Variants in HRAS observed in about 807,000 individuals in gnomAD.
HRAS encodes the protein HRas proto-oncogene, GTPase.
In HRAS, 11 loss-of-function variants were observed where a neutral mutation model predicts 19.8. The observed-to-expected ratio is 0.55, with a 90% confidence interval of 0.35 to 0.92. The LOEUF is 0.92. Ranked by LOEUF, HRAS falls within the 40% of genes least tolerant of loss-of-function variation. HRAS has a pLI of 0.01. For missense variants in HRAS, 204 were observed against 255.9 expected (o/e 0.80, Z 1.38); for synonymous variants, 149 against 105.5 (o/e 1.41, Z -2.52).
intron 4 of HRAS, among the ~76,000 whole-genome samples, chr11:533,072 T>C (rs1851204274): frequency 6.6e-6 from 1 of 152,116 alleles, no homozygotes; most frequent in Non-Finnish European, 1.5e-5. Flanking sequence ...GTAGCCCCAC[T>C]AAGACTCAGA....
At position 532,622 on chromosome 11, in the gene HRAS, C is replaced by A. The variant is rs919648299; in HGVS notation, c.*5+9G>T. ...TGGGCGTGGCGGCCGCCCTGGGAGT[C>A]CCCCTCACCTGCGTCAGGAGAGCAC... On this transcript the variant is annotated intron_variant, in intron 5 of 5. Coordinates refer to ENST00000311189, the MANE Select transcript of HRAS (RefSeq NM_005343.4). The A allele has an allele frequency of 1.2e-6, 2 of 1,608,694 alleles. No individual in the cohort carries two copies. The highest frequency in any genetic ancestry group is 1.7e-6 in the Non-Finnish European group (2 of 1,179,522).
rs760429548 is a variant in HRAS at position 532,670 on chromosome 11, G to A, written c.536C>T (p.Pro179Leu). The A allele has an allele frequency of 1.1e-5, 18 of 1,613,018 alleles. No homozygotes were observed. Among genetic ancestry groups the A allele is most frequent in the Non-Finnish European group, 1.5e-5 (18 of 1,179,992 alleles). ...RKLNPPDESG[P>L]GCMSCKCVLS ...CACACACTTGCAGCTCATGCAGCCG[G>A]GGCCACTCTCATCAGGAGGGTTCAG... Residue 179 changes from proline (P) to leucine (L), a missense_variant, in exon 5 of 6, where the codon CCC becomes CTC. Physicochemically the swap from Pro to Leu is moderately conservative, Grantham distance 98. This residue lies in a region of HRAS where 142 missense variants were observed against 141.1 expected (regional missense o/e 1.01). Transcript: ENST00000311189.
chr11:534,714 T>G, intron 1 of HRAS: 1 of 300,680 alleles, frequency 3.3e-6, no homozygotes, highest in Non-Finnish European at 6.5e-6. Flanking sequence ...GAGGTTACCG[T>G]CCTCCAGAAC....
chr11:532,712 T>A lies in HRAS; in HGVS notation c.494A>T (p.Gln165Leu). The change falls in exon 5 of 6, where the codon CAG becomes CTG. Residue 165 changes from glutamine (Q) to leucine (L), a missense_variant. Gln to Leu is a moderately radical substitution (Grantham distance 113). Transcript: ENST00000311189. ...AFYTLVREIR[Q>L]HKLRKLNPPD... ...AGGGTTCAGCTTCCGCAGCTTGTGC[T>A]GCCGGATCTCACGCACCAACGTGTA... 6.2e-7 allele frequency: 1 copy of A among 1,613,228 alleles called. No individual in the cohort carries two copies. The highest frequency in any genetic ancestry group is 8.5e-7 in the Non-Finnish European group (1 of 1,180,004).
chr11:533,706 G>C (rs530529842), intron 3 of HRAS, 60 bp downstream of exon 3: 1 of 1,610,678 alleles, frequency 6.2e-7, no homozygotes, highest in Non-Finnish European at 8.5e-7. Flanking sequence ...CTGCCTGGAC[G>C]CAGCCGGCCT....
rs777386438 is a variant in HRAS at position 533,462 on chromosome 11, C to T, written c.441G>A (p.Lys147=). Residue 147 remains lysine (K), a synonymous_variant, in exon 4 of 6, where the codon AAG becomes AAA. Coordinates refer to ENST00000311189, the MANE Select transcript of HRAS (RefSeq NM_005343.4). The part of the protein sequence containing the change: ...YGIPYIETSA[K]TRQGVEDAFY... Reference sequence around the variant, plus strand: ...TGGAGAGCTGCCTCACCTGCCGGGTCTTGGCCGAGGTCTCGATGTAGGGGA... The same window carrying T: ...TGGAGAGCTGCCTCACCTGCCGGGTTTTGGCCGAGGTCTCGATGTAGGGGA... 4.3e-6 allele frequency: 7 copies of T among 1,613,200 alleles called. No individual in the cohort carries two copies. The East Asian group carries it at 1.1e-4, about 26-fold the overall frequency.
At chr11:532,846 GC>G (rs1179119995) in intron 4 of HRAS, 91 bp from the exon 5 acceptor site, 3 of 1,329,460 alleles carry the variant, frequency 2.3e-6, no homozygotes, top group East Asian at 4.8e-5. Context: ...GCCTTGCCTG[GC>G]CCGAAGCTCC....
At chr11:534,124 AC>A in intron 2 of HRAS, 87 bp downstream of exon 2, 1 of 1,229,692 alleles carries the variant, frequency 8.1e-7, no homozygotes, top group Non-Finnish European at 1.2e-6. Flanking sequence ...CATGCAGGGG[AC>A]CAGGGGCTGC....
intron 4 of HRAS, chr11:533,215 G>A (rs1157703099): frequency 6.4e-6 from 9 of 1,399,820 alleles, no homozygotes; most frequent in East Asian, 2.5e-5. Flanking sequence ...CAGGACTGCA[G>A]GGCGTGAGCC....
intron 1 of HRAS, among the ~76,000 whole-genome samples, chr11:535,098 T>G (rs112690925): frequency 0.24 from 37,151 of 151,754 alleles, 4,996 homozygotes; most frequent in African/African-American, 0.35. Context: ...GGCCGCCTCC[T>G]CCCAGACGCC....
rs975186855 is a variant in HRAS at position 532,453 on chromosome 11, G to T, written c.*75C>A. The T allele has an allele frequency of 1.2e-6, 1 of 843,924 alleles. No individual in the cohort carries two copies. The highest frequency in any genetic ancestry group is 1.8e-6 in the Non-Finnish European group (1 of 545,510). 52.3% of individuals were successfully genotyped at this position (843,924 alleles called of 1,614,324 possible). On this transcript the variant is annotated 3_prime_UTR_variant, in exon 6 of 6. Coordinates refer to ENST00000311189, the MANE Select transcript of HRAS (RefSeq NM_005343.4). ...AGCCCTTCCTTCCTTCCTTGCTTCCGTCCTTCCTTCCTCCTCCTTCCGTCT... is the reference window on the plus strand; with the variant it reads ...AGCCCTTCCTTCCTTCCTTGCTTCCTTCCTTCCTTCCTCCTCCTTCCGTCT...
intron 2 of HRAS, 67 bp downstream of exon 2, chr11:534,145 T>C: frequency 7.5e-7 from 1 of 1,340,740 alleles, no homozygotes; most frequent in Middle Eastern, 1.8e-4. Flanking sequence ...CAGCCAGCCC[T>C]ATCCTGGCTG....
At chr11:533,634 C>T (rs2133988405) in intron 3 of HRAS, 22 bp from the exon 4 acceptor site, 1 of 1,613,582 alleles carries the variant, frequency 6.2e-7, no homozygotes, top group South Asian at 1.1e-5. Flanking sequence ...AAAGCGAGAG[C>T]TGGCTACGGG....
intron 4 of HRAS, 74 bp from the exon 5 acceptor site, chr11:532,829 G>A (rs1305056202): frequency 2.1e-5 from 32 of 1,488,430 alleles, no homozygotes; most frequent in Non-Finnish European, 2.8e-5. Context: ...CCCTGCTGTG[G>A]GATCAAGCCT....
chr11:534,542 G>A, intron 1 of HRAS, 167 bp from the exon 2 acceptor site: 3 of 595,896 alleles, frequency 5.0e-6, no homozygotes, highest in Non-Finnish European at 9.0e-6. Context: ...CCCAGCGTGC[G>A]GGAGGGCTGT....
chr11:534,709 T>G, intron 1 of HRAS: 1 of 303,616 alleles, frequency 3.3e-6, no homozygotes, highest in Non-Finnish European at 6.4e-6. Flanking sequence ...GGGCTGAGGT[T>G]ACCGTCCTCC....
chr11:533,504 G>A lies in HRAS; in HGVS notation c.399C>T (p.Leu133=), dbSNP rs761180869. The part of the protein sequence containing the change: ...RTVESRQAQD[L]ARSYGIPYIE... The stretch of plus-strand genomic sequence containing the variant: ...TGTAGGGGATGCCGTAGCTTCGGGC[G>A]AGGTCCTGAGCCTGCCGAGATTCCA... The change falls in exon 4 of 6, where the codon CTC becomes CTT. Residue 133 remains leucine (L), a synonymous_variant. Coordinates refer to ENST00000311189, the MANE Select transcript of HRAS (RefSeq NM_005343.4). 7 of 1,613,648 alleles carry A rather than the reference G, an allele frequency of 4.3e-6. No homozygotes were observed. In the South Asian group the frequency reaches 6.6e-5, roughly 15 times the overall value.
chr11:532,698 T>C lies in HRAS; in HGVS notation c.508A>G (p.Lys170Glu). ...CCACTCTCATCAGGAGGGTTCAGCT[T>C]CCGCAGCTTGTGCTGCCGGATCTCA... ...VREIRQHKLR[K>E]LNPPDESGPG... The change falls in exon 5 of 6, where the codon AAG becomes GAG. Residue 170 changes from lysine (K) to glutamate (E), a missense_variant. Transcript: ENST00000311189. The C allele has an allele frequency of 6.2e-7, 1 of 1,613,206 alleles. No homozygotes were observed. Among genetic ancestry groups the C allele is most frequent in the Non-Finnish European group, 8.5e-7 (1 of 1,179,986 alleles).
At chr11:534,624 C>CA in intron 1 of HRAS, 1 of 504,750 alleles carries the variant, frequency 2.0e-6, no homozygotes, top group Non-Finnish European at 3.6e-6. Context: ...GCAGGGCTGA[C>CA]AGCTGAGCGC....
Sources: allele counts gnomAD v4.1 joint callset (sites outside exome capture counted in the v4.1 genomes callset), GRCh38; gene constraint gnomAD v4.1.1; regional missense constraint gnomAD v4.1.1; transcripts MANE v1.5; gene names NCBI Gene and HGNC (gene_info 2026-07-23, HGNC 2026-07-21).